Variants in LUC7L2 observed in about 807,000 individuals in gnomAD.
LUC7L2 encodes the protein LUC7 like 2, pre-mRNA splicing factor.
LUC7L2 carries 25 observed loss-of-function variants against 52.8 expected under a neutral mutation model. The ratio of observed to expected loss-of-function variants is 0.47; its 90% CI spans 0.34 to 0.66. The LOEUF (loss-of-function observed/expected upper bound fraction) is 0.66. LUC7L2 is among the 30% of genes least tolerant of loss of function. The probability of loss-of-function intolerance (pLI) is 0.01; values close to 1 mark genes in which losing one functional copy is unlikely to be tolerated. For missense variants in LUC7L2, 328 were observed against 497.8 expected, an observed-to-expected ratio of 0.66 and a Z score of 3.25; for synonymous variants, 144 against 160.9, an observed-to-expected ratio of 0.89 and a Z score of 0.80.
chr7:139,385,320 T>C, intron 2 of LUC7L2, among the ~76,000 whole-genome samples: 3 of 66,806 alleles, frequency 4.5e-5, no homozygotes, highest in Non-Finnish European at 7.6e-5. Flanking sequence ...ACTTTTTTTT[T>C]TTTTTTTTTT....
chr7:139,402,300 TTTAAG>T, intron 4 of LUC7L2, 53 bp downstream of exon 4: 2 of 1,450,794 alleles, frequency 1.4e-6, no homozygotes, highest in Admixed American at 2.8e-5. Context: ...ACTCCTTTTG[TTTAAG>T]TTTTTATTTT....
chr7:139,345,803 CT>C, intron 1 of LUC7L2: 1 of 1,324,092 alleles, frequency 7.6e-7, no homozygotes, highest in Middle Eastern at 2.7e-4. Flanking sequence ...TAAGGTTTTT[CT>C]CTGTAATTTT....
intron 1 of LUC7L2, among the ~76,000 whole-genome samples, chr7:139,366,697 C>CT (rs1220159492): frequency 4.6e-5 from 7 of 152,228 alleles, no homozygotes; most frequent in Non-Finnish European, 8.8e-5. Flanking sequence ...CCATTTGACT[C>CT]TAACAAAAGC....
At chr7:139,411,338 A>G (rs901845104) in intron 7 of LUC7L2, among the ~76,000 whole-genome samples, 5 of 152,246 alleles carry the variant, frequency 3.3e-5, no homozygotes, top group African/African-American at 4.8e-5. Context: ...ATAAAATTAT[A>G]TAAGATGGGA....
intron 1 of LUC7L2, among the ~76,000 whole-genome samples, chr7:139,351,347 T>TA (rs1799452801): frequency 6.6e-6 from 1 of 152,268 alleles, no homozygotes. Flanking sequence ...GCCAGAAATC[T>TA]AAGTTATTCT....
chr7:139,411,192 CTTTG>C (rs1013062914), intron 7 of LUC7L2, among the ~76,000 whole-genome samples: 2 of 152,082 alleles, frequency 1.3e-5, no homozygotes, highest in African/African-American at 4.8e-5. Context: ...CATCTTACTC[CTTTG>C]TTTGCCAAAT....
chr7:139,375,186 A>G (rs1370172176), intron 1 of LUC7L2: 8 of 983,806 alleles, frequency 8.1e-6, no homozygotes, highest in Non-Finnish European at 9.7e-6. Flanking sequence ...ATATTTTGTT[A>G]TTGGAGCTAG....
At position 139,398,560 on chromosome 7, in the gene LUC7L2, T is replaced by A. The variant is rs761235355; in HGVS notation, c.157-39T>A. 53 of 1,506,736 alleles carry A rather than the reference T, an allele frequency of 3.5e-5. No individual in the cohort carries two copies. In the African/African-American group the frequency reaches 5.5e-4, roughly 16 times the overall value. The allele number at this position is 1,506,736 out of a possible 1,614,324, so 93.3% of individuals were successfully genotyped here. A position where few individuals can be genotyped will look rare whatever the true frequency, so the allele number is the denominator to read the frequency against. ...GTTGTTGAAGCATTTTTTAAAAAAC[T>A]TTTTTTTGTTTTAATATTATGTCTT... On this transcript the variant is annotated intron_variant, in intron 2 of 9. Coordinates refer to ENST00000354926, the MANE Select transcript of LUC7L2 (RefSeq NM_016019.5).
intron 1 of LUC7L2, among the ~76,000 whole-genome samples, chr7:139,361,279 G>A (rs1351449680): frequency 6.6e-6 from 1 of 152,162 alleles, no homozygotes; most frequent in Non-Finnish European, 1.5e-5. Flanking sequence ...CAAAATCCTT[G>A]GTAGTTTTTA....
chr7:139,340,646 C>G (rs1265463077), intron 1 of LUC7L2: 1 of 396,192 alleles, frequency 2.5e-6, no homozygotes, highest in East Asian at 3.6e-5. Flanking sequence ...GTGACGATGA[C>G]GTACCAAAGA....
intron 4 of LUC7L2, among the ~76,000 whole-genome samples, chr7:139,404,381 C>T (rs538908733): frequency 1.2e-4 from 18 of 152,188 alleles, no homozygotes; most frequent in Admixed American, 3.3e-4. Context: ...TGGTGGTGCA[C>T]GCCTGTAATC....
At chr7:139,390,758 G>A (rs557986878) in intron 2 of LUC7L2, among the ~76,000 whole-genome samples, 96 of 151,534 alleles carry the variant, frequency 6.3e-4, no homozygotes, top group Non-Finnish European at 1.2e-3. Context: ...GGATTTCACC[G>A]TGTTAGCCAG....
intron 3 of LUC7L2, among the ~76,000 whole-genome samples, chr7:139,400,700 C>G (rs970954417): frequency 6.6e-6 from 1 of 152,154 alleles, no homozygotes; most frequent in East Asian, 1.9e-4. Flanking sequence ...CCCCCCAACC[C>G]CACATAGCTA....
At chr7:139,352,471 G>A (rs763904817) in intron 1 of LUC7L2, among the ~76,000 whole-genome samples, 12 of 152,166 alleles carry the variant, frequency 7.9e-5, no homozygotes, top group Admixed American at 5.9e-4. Context: ...GCATTCACCC[G>A]GGTGACAGAG....
chr7:139,374,965 G>A (rs913660936), intron 1 of LUC7L2: 1 of 986,324 alleles, frequency 1.0e-6, no homozygotes, highest in Admixed American at 6.1e-5. Flanking sequence ...AAATACAGAG[G>A]TATTTATATC....
chr7:139,417,874 T>C, intron 9 of LUC7L2, 145 bp downstream of exon 9: 1 of 1,184,758 alleles, frequency 8.4e-7, no homozygotes. Flanking sequence ...TGTGTGGGTG[T>C]ACAACATTTT....
chr7:139,354,837 T>TAAAAC (rs60422685), intron 1 of LUC7L2, among the ~76,000 whole-genome samples: 58,028 of 150,418 alleles, frequency 0.39, 15,547 homozygotes, highest in African/African-American at 0.77. Context: ...TGGAAGTAAA[T>TAAAAC]AAAACAAAAA....
intron 2 of LUC7L2, among the ~76,000 whole-genome samples, chr7:139,387,011 T>A (rs1041569960): frequency 2.0e-5 from 3 of 152,006 alleles, no homozygotes; most frequent in African/African-American, 4.8e-5. Flanking sequence ...GCTAATTTTT[T>A]GTATTTGTAG....
intron 1 of LUC7L2, among the ~76,000 whole-genome samples, chr7:139,373,608 CAAAA>C (rs1800565613): frequency 6.6e-6 from 1 of 151,504 alleles, no homozygotes; most frequent in African/African-American, 2.4e-5. Context: ...TTAAAAAACA[CAAAA>C]AAGCTCACCA....
Sources: gnomAD v4.1 joint callset for allele counts (sites outside exome capture counted in the v4.1 genomes callset) on GRCh38, gnomAD v4.1.1 for gene constraint, MANE v1.5 for transcripts, NCBI Gene and HGNC (gene_info 2026-07-23, HGNC 2026-07-21) for gene names.